The following RCL1 variants were observed in gnomAD, a reference collection of about 807,000 sequenced individuals.
The protein encoded by RCL1 is RNA terminal phosphate cyclase like 1.
RCL1 carries 24 observed loss-of-function variants against 42.4 expected under a neutral mutation model. That is an observed-to-expected ratio of 0.57 (90% CI 0.41 to 0.80). RCL1 has a LOEUF of 0.80. Ranked by LOEUF, RCL1 falls within the 30% of genes least tolerant of loss-of-function variation. The pLI, the probability that RCL1 is intolerant of heterozygous loss-of-function variation, is 0.00. For synonymous variants in RCL1, 228 were observed against 177.3 expected, an observed-to-expected ratio of 1.29 and a Z score of -2.27; for missense variants, 578 against 467.9, an observed-to-expected ratio of 1.24 and a Z score of -2.17.
chr9:4,837,955 G>A (rs1817194281), intron 5 of RCL1, among the ~76,000 whole-genome samples: 1 of 152,204 alleles, frequency 6.6e-6, no homozygotes, highest in Non-Finnish European at 1.5e-5. Context: ...ATCCCTGTCT[G>A]TTAACCAAAC....
chr9:4,820,874 C>G (rs528921095), intron 1 of RCL1, among the ~76,000 whole-genome samples: 1 of 152,336 alleles, frequency 6.6e-6, no homozygotes, highest in African/African-American at 2.4e-5. Context: ...ACATCACAAC[C>G]TATTACACAT....
chr9:4,803,645 T>G (rs986228203), intron 1 of RCL1: 9 of 152,210 alleles, frequency 5.9e-5, no homozygotes, highest in African/African-American at 2.2e-4. Context: ...CACTCACAAG[T>G]TGACTGAGTT....
chr9:4,844,445 T>A, intron 6 of RCL1, 80 bp from the exon 7 acceptor site: 1 of 1,095,560 alleles, frequency 9.1e-7, no homozygotes, highest in East Asian at 2.6e-5. Context: ...AAAAAATGTT[T>A]GTCTTCTCTT....
At chr9:4,798,213 AGTGCCT>A (rs1189232838) in intron 1 of RCL1, among the ~76,000 whole-genome samples, 1 of 152,234 alleles carries the variant, frequency 6.6e-6, no homozygotes, top group Admixed American at 6.5e-5. Flanking sequence ...AGCTGTCCAA[AGTGCCT>A]CTATCTCTGG....
chr9:4,855,052 CAAAAAA>C (rs774233424), intron 8 of RCL1, among the ~76,000 whole-genome samples: 2 of 59,842 alleles, frequency 3.3e-5, no homozygotes, highest in African/African-American at 1.9e-4. Context: ...GACTCCGTCT[CAAAAAA>C]AAAAAAAAAA....
chr9:4,795,238 C>T (rs1406275927), intron 1 of RCL1, among the ~76,000 whole-genome samples: 2 of 152,028 alleles, frequency 1.3e-5, no homozygotes, highest in Non-Finnish European at 2.9e-5. Context: ...CCACCATGCC[C>T]AGCTAATTTT....
intron 1 of RCL1, among the ~76,000 whole-genome samples, chr9:4,820,288 T>C (rs1190220158): frequency 6.6e-6 from 1 of 152,150 alleles, no homozygotes; most frequent in Admixed American, 6.5e-5. Context: ...CTAGTAAAGT[T>C]TGGGGACTTT....
At chr9:4,812,699 G>T (rs558394418) in intron 1 of RCL1, among the ~76,000 whole-genome samples, 49 of 152,124 alleles carry the variant, frequency 3.2e-4, no homozygotes, top group Non-Finnish European at 6.3e-4. Context: ...TTTTGATAGG[G>T]ATTGCATTGA....
At chr9:4,837,749 C>G (rs1393726615) in intron 5 of RCL1, among the ~76,000 whole-genome samples, 1 of 152,160 alleles carries the variant, frequency 6.6e-6, no homozygotes, top group Non-Finnish European at 1.5e-5. Context: ...AACTATGTTC[C>G]TCCCTGGCTT....
chr9:4,826,719 G>C, intron 2 of RCL1, 139 bp from the exon 3 acceptor site: 1 of 708,510 alleles, frequency 1.4e-6, no homozygotes, highest in East Asian at 2.5e-5. Flanking sequence ...AGCGAAGTGT[G>C]GGCTCTTAGC....
chr9:4,813,284 C>T lies in RCL1; in HGVS notation c.137-10264C>T, dbSNP rs551940820. Among the ~76,000 whole-genome samples, 277 of 152,136 alleles carry T rather than the reference C, an allele frequency of 1.8e-3. 1 individual carries two copies. The highest frequency in any genetic ancestry group is 6.8e-3 in the Middle Eastern group (2 of 294). ...ATGGGAGAAAATTTTTGCAATCTACCCATCTGACAAAGGGCTAATATCCAG... is the reference window on the plus strand; with the variant it reads ...ATGGGAGAAAATTTTTGCAATCTACTCATCTGACAAAGGGCTAATATCCAG... On this transcript the variant is annotated intron_variant, in intron 1 of 8. Coordinates refer to ENST00000381750, the MANE Select transcript of RCL1 (RefSeq NM_005772.5).
At chr9:4,830,100 A>G (rs181389644) in intron 3 of RCL1, among the ~76,000 whole-genome samples, 1 of 152,156 alleles carries the variant, frequency 6.6e-6, no homozygotes, top group Non-Finnish European at 1.5e-5. Flanking sequence ...ATCAAGTTCT[A>G]AGAAGTCAGG....
intron 8 of RCL1, among the ~76,000 whole-genome samples, chr9:4,852,975 T>A (rs769645407): frequency 1.3e-5 from 2 of 152,154 alleles, no homozygotes; most frequent in Non-Finnish European, 2.9e-5. Flanking sequence ...TAAAAAATTT[T>A]AATTTCTAGT....
At chr9:4,816,615 A>T (rs1046716392) in intron 1 of RCL1, among the ~76,000 whole-genome samples, 23 of 152,142 alleles carry the variant, frequency 1.5e-4, no homozygotes, top group African/African-American at 5.3e-4. Context: ...CCTTTTTGGG[A>T]TGCATCTTTC....
At chr9:4,813,959 G>T (rs1239401980) in intron 1 of RCL1, among the ~76,000 whole-genome samples, 1 of 152,096 alleles carries the variant, frequency 6.6e-6, no homozygotes, top group African/African-American at 2.4e-5. Context: ...AACACTGCAT[G>T]TTCTCACTCA....
rs1360870069 is a variant in RCL1 at position 4,830,746 on chromosome 9, G to A, written c.385-2408G>A. 2.6e-5 allele frequency among the ~76,000 whole-genome samples: 4 copies of A among 152,210 alleles called. No individual in the cohort carries two copies. In the East Asian group the frequency reaches 5.8e-4, roughly 22 times the overall value. ...TTAATTCTTCTACCAACCCAGTGAG[G>A]TGGGTGTTTCAGACAAGGTAACTGG... On this transcript the variant is annotated intron_variant, in intron 3 of 8. Transcript: ENST00000381750.
intron 1 of RCL1, among the ~76,000 whole-genome samples, chr9:4,815,443 TTTTTC>T: frequency 1.3e-5 from 1 of 79,792 alleles, no homozygotes; most frequent in Middle Eastern, 6.9e-3. Context: ...AGCTGCAGTA[TTTTTC>T]TTTTCTTTTT....
Position 4,860,433 on chromosome 9 carries a change from T to A in RCL1, c.*158T>A. 1 of 792,332 alleles carries A rather than the reference T, an allele frequency of 1.3e-6. No individual in the cohort carries two copies. Among genetic ancestry groups the A allele is most frequent in the Non-Finnish European group, 1.9e-6 (1 of 532,584 alleles). 49.1% of individuals were successfully genotyped at this position (792,332 alleles called of 1,614,324 possible). ...AATATACAAATAAAAGACATCCCTG[T>A]AGCATATGGTTTCCAGCTGTTTCTC... On this transcript the variant is annotated 3_prime_UTR_variant, in exon 9 of 9. Transcript: ENST00000381750.
intron 2 of RCL1, among the ~76,000 whole-genome samples, chr9:4,825,817 G>T (rs1816741220): frequency 6.6e-6 from 1 of 151,950 alleles, no homozygotes; most frequent in African/African-American, 2.4e-5. Context: ...ATGGGAGTAA[G>T]AAGCTTTTTG....
Sources: allele counts gnomAD v4.1 joint callset (sites outside exome capture counted in the v4.1 genomes callset), GRCh38; gene constraint gnomAD v4.1.1; transcripts MANE v1.5; gene names NCBI Gene and HGNC (gene_info 2026-07-23, HGNC 2026-07-21).